The following PAXBP1 variants were observed in gnomAD, a reference collection of about 807,000 sequenced individuals.
PAXBP1 encodes the protein PAX3- and PAX7-binding protein 1.
In PAXBP1, 44 loss-of-function variants were observed where a neutral mutation model predicts 119.9. That is an observed-to-expected ratio of 0.37 (90% CI 0.29 to 0.47). The LOEUF (loss-of-function observed/expected upper bound fraction) is 0.47. Among genes scored for constraint, PAXBP1 ranks in the 20% least tolerant of loss-of-function variants. The pLI is 0.99. For synonymous variants in PAXBP1, 393 were observed against 406.6 expected (o/e 0.97, Z 0.40); for missense variants, 898 against 1,134.1 (o/e 0.79, Z 2.99).
Position 32,771,640 on chromosome 21 carries a change from A to G in PAXBP1, c.29T>C (p.Val10Ala). Residue 10 changes from valine (V) to alanine (A), a missense_variant, in exon 1 of 18, where the codon GTG becomes GCG. By Grantham distance (64) the Val-to-Ala change is moderately conservative. Coordinates refer to ENST00000331923, the MANE Select transcript of PAXBP1 (RefSeq NM_016631.4). Reference protein sequence around the residue: MFRKARRVNVRKRNDSEEEE... With the variant: MFRKARRVNARKRNDSEEEE... ...CTCTTCGGAGTCGTTCCGCTTGCGC[A>G]CGTTCACCCGCCGGGCCTTTCGGAA... The G allele has an allele frequency of 6.9e-7, 1 of 1,443,910 alleles. No individual in the cohort carries two copies. The highest frequency in any genetic ancestry group is 1.5e-5 in the African/African-American group (1 of 67,494). The allele number at this position is 1,443,910 out of a possible 1,614,324, so 89.4% of individuals were successfully genotyped here. A position where few individuals can be genotyped will look rare whatever the true frequency, so the allele number is the denominator to read the frequency against.
At chr21:32,743,856 G>T in intron 13 of PAXBP1, 102 bp from the exon 14 acceptor site, 1 of 659,238 alleles carries the variant, frequency 1.5e-6, no homozygotes, top group Non-Finnish European at 2.6e-6. Context: ...GAGTGAACTA[G>T]TTTCTCAAAT....
chr21:32,762,069 G>A (rs2044157816), intron 4 of PAXBP1, 27 bp downstream of exon 4: 2 of 1,612,528 alleles, frequency 1.2e-6, no homozygotes, highest in Non-Finnish European at 1.7e-6. Flanking sequence ...AATGCAATAG[G>A]CTTACTATTC....
intron 8 of PAXBP1, 126 bp from the exon 9 acceptor site, chr21:32,751,344 G>C (rs2043956303): frequency 4.0e-6 from 3 of 758,234 alleles, no homozygotes; most frequent in Admixed American, 4.9e-5. Context: ...GCAATAACTG[G>C]TAAACCAGGT....
intron 4 of PAXBP1, among the ~76,000 whole-genome samples, chr21:32,761,672 C>A (rs1308803821): frequency 6.6e-6 from 1 of 152,218 alleles, no homozygotes; most frequent in African/African-American, 2.4e-5. Context: ...AGAGGCCATG[C>A]ATGGTGGCTC....
At chr21:32,765,890 C>CAGTA (rs57047195) in intron 2 of PAXBP1, among the ~76,000 whole-genome samples, 1 of 151,382 alleles carries the variant, frequency 6.6e-6, no homozygotes, top group Non-Finnish European at 1.5e-5. Context: ...CCTGTAATCC[C>CAGTA]CTGGGAGGCC....
In PAXBP1 at chr21:32,761,119, C is replaced by G. The variant is rs746587405; in HGVS notation, c.915G>C (p.Gln305His). The G allele has an allele frequency of 1.2e-6, 2 of 1,614,018 alleles. No individual in the cohort carries two copies. Among genetic ancestry groups the G allele is most frequent in the Non-Finnish European group, 1.7e-6 (2 of 1,180,012 alleles). The change falls in exon 5 of 18, where the codon CAG becomes CAC. Residue 305 changes from glutamine (Q) to histidine (H), a missense_variant. Physicochemically the swap from Gln to His is conservative, Grantham distance 24. Transcript: ENST00000331923. ...GTTCCCATCGGCTGAGCTCTTCATC[C>G]TGTTCTCCAGTTACTAAAGCATCAT... ...SDDDALVTGE[Q>H]DEELSRWEQE...
intron 5 of PAXBP1, among the ~76,000 whole-genome samples, 157 bp downstream of exon 5, chr21:32,760,902 C>CGTGCGTGCGTGCGTGT (rs1491165069): frequency 5.5e-5 from 7 of 127,714 alleles, no homozygotes; most frequent in African/African-American, 2.0e-4. Context: ...TGCGTGCGTG[C>CGTGCGTGCGTGCGTGT]GTGTGTGTGT....
At chr21:32,745,871 A>G (rs1034808672) in intron 11 of PAXBP1, among the ~76,000 whole-genome samples, 153 bp from the exon 12 acceptor site, 6 of 152,196 alleles carry the variant, frequency 3.9e-5, no homozygotes, top group African/African-American at 1.2e-4. Flanking sequence ...ACTTCAAACT[A>G]TAAGGCCACA....
intron 8 of PAXBP1, among the ~76,000 whole-genome samples, chr21:32,753,865 A>G (rs185126750): frequency 2.0e-4 from 30 of 152,336 alleles, no homozygotes; most frequent in Middle Eastern, 6.8e-3. Context: ...AAGGTATTTG[A>G]TGAAATGTAC....
At chr21:32,743,221 T>C (rs1366992425) in intron 15 of PAXBP1, 27 bp downstream of exon 15, 2 of 1,530,774 alleles carry the variant, frequency 1.3e-6, no homozygotes, top group Non-Finnish European at 1.8e-6. Flanking sequence ...GAAATCTGAG[T>C]CTTTTAGATA....
chr21:32,746,673 G>A (rs1569157701), intron 11 of PAXBP1, among the ~76,000 whole-genome samples: 1 of 152,054 alleles, frequency 6.6e-6, no homozygotes, highest in South Asian at 2.1e-4. Context: ...GGAAGACAGT[G>A]TGCCAATTCC....
At position 32,759,207 on chromosome 21, in the gene PAXBP1, C is replaced by T; in HGVS notation, c.1256G>A (p.Ser419Asn). 1 of 1,614,068 alleles carries T rather than the reference C, an allele frequency of 6.2e-7. No individual in the cohort carries two copies. Among genetic ancestry groups the T allele is most frequent in the Non-Finnish European group, 8.5e-7 (1 of 1,179,944 alleles). Residue 419 changes from serine to asparagine, a missense_variant, in exon 7 of 18, where the codon AGC (serine) becomes AAC (asparagine). By Grantham distance (46) the Ser-to-Asn change is conservative (BLOSUM62 1). Coordinates refer to ENST00000331923, the MANE Select transcript of PAXBP1 (RefSeq NM_016631.4). ...AATAGCCCTGGTAGAGTCCACTCGG[C>T]TTTGCAGATGTTTCTCATGCTGCTG... ...NRQQHEKHLQ[S>N]RVDSTRAIER...
intron 4 of PAXBP1, among the ~76,000 whole-genome samples, chr21:32,761,633 T>C (rs1476233576): frequency 6.6e-6 from 1 of 152,252 alleles, no homozygotes; most frequent in Non-Finnish European, 1.5e-5. Context: ...TTTACTTGAC[T>C]ATAATATCAA....
intron 15 of PAXBP1, among the ~76,000 whole-genome samples, chr21:32,739,973 T>G (rs1470878309): frequency 7.7e-6 from 1 of 130,036 alleles, no homozygotes; most frequent in Non-Finnish European, 1.6e-5. Context: ...AAAAAGGCAA[T>G]TTGTTTACTT....
chr21:32,739,693 T>A (rs1601582886), intron 15 of PAXBP1, among the ~76,000 whole-genome samples: 1 of 151,180 alleles, frequency 6.6e-6, no homozygotes, highest in Non-Finnish European at 1.5e-5. Flanking sequence ...GATCACGAGG[T>A]CAGGAGATCG....
chr21:32,751,966 C>A (rs1372037287), intron 8 of PAXBP1: 1 of 152,208 alleles, frequency 6.6e-6, no homozygotes, highest in African/African-American at 2.4e-5. Context: ...TATTCCTCTT[C>A]TACAGCATTC....
intron 15 of PAXBP1, among the ~76,000 whole-genome samples, chr21:32,741,952 AACTCTGGTGCACCT>A (rs2043792406): frequency 6.6e-6 from 1 of 152,224 alleles, no homozygotes; most frequent in Non-Finnish European, 1.5e-5. Context: ...ACCAAAACCT[AACTCTGGTGCACCT>A]ACACAGCAAG....
At chr21:32,759,740 C>T (rs1360830020) in intron 6 of PAXBP1, 37 bp downstream of exon 6, 1 of 1,542,296 alleles carries the variant, frequency 6.5e-7, no homozygotes, top group South Asian at 1.1e-5. Context: ...GAACAGAAAG[C>T]TAGCGGACAG....
At chr21:32,766,430 C>T (rs1215099215) in intron 2 of PAXBP1, among the ~76,000 whole-genome samples, 1 of 152,148 alleles carries the variant, frequency 6.6e-6, no homozygotes, top group African/African-American at 2.4e-5. Flanking sequence ...TTTACTACTA[C>T]TTCAGGAAAC....
Sources: allele counts gnomAD v4.1 joint callset (sites outside exome capture counted in the v4.1 genomes callset), GRCh38; gene constraint gnomAD v4.1.1; transcripts MANE v1.5; gene names NCBI Gene and HGNC (gene_info 2026-07-23, HGNC 2026-07-21).